The following EDIL3 variants were observed in gnomAD, a reference collection of about 807,000 sequenced individuals.
The protein encoded by EDIL3 is EGF-like repeat and discoidin I-like domain-containing protein 3.
Under a neutral mutation model 67.4 loss-of-function variants are expected in EDIL3, and 37 were observed. The observed-to-expected ratio is 0.55, with a 90% confidence interval of 0.42 to 0.72. EDIL3 has a LOEUF of 0.72. EDIL3 is among the 30% of genes least tolerant of loss of function. EDIL3 has a pLI of 0.00. For synonymous variants in EDIL3, 195 were observed against 196.3 expected, an observed-to-expected ratio of 0.99 and a Z score of 0.05; for missense variants, 527 against 586.3, an observed-to-expected ratio of 0.90 and a Z score of 1.04.
At chr5:84,174,595 G>T (rs139528685) in intron 4 of EDIL3, among the ~76,000 whole-genome samples, 1 of 152,082 alleles carries the variant, frequency 6.6e-6, no homozygotes, top group Non-Finnish European at 1.5e-5. Context: ...ATGCAGAGAG[G>T]GTCCAAGGTT....
chr5:84,177,392 T>C (rs1312075393), intron 4 of EDIL3, among the ~76,000 whole-genome samples: 1 of 152,148 alleles, frequency 6.6e-6, no homozygotes, highest in African/African-American at 2.4e-5. Flanking sequence ...AAGGAAAAAC[T>C]ACAGAGACAG....
intron 5 of EDIL3, among the ~76,000 whole-genome samples, chr5:84,129,518 C>A (rs1242673936): frequency 1.3e-5 from 2 of 151,848 alleles, no homozygotes; most frequent in African/African-American, 4.8e-5. Context: ...GGCAAACTGT[C>A]CTTCTGTCCC....
At chr5:84,114,188 A>C (rs1747624817) in intron 5 of EDIL3, among the ~76,000 whole-genome samples, 1 of 139,920 alleles carries the variant, frequency 7.1e-6, no homozygotes, top group African/African-American at 2.7e-5. Flanking sequence ...CGTGTCAGCT[A>C]AGCCCCCATG....
At chr5:84,056,791 A>AT (rs1001404834) in intron 9 of EDIL3, among the ~76,000 whole-genome samples, 1 of 152,140 alleles carries the variant, frequency 6.6e-6, no homozygotes, top group Non-Finnish European at 1.5e-5. Context: ...GAACTGATGC[A>AT]TTTTAGTTAA....
At chr5:84,362,863 G>A (rs1178179036) in intron 1 of EDIL3, among the ~76,000 whole-genome samples, 1 of 152,036 alleles carries the variant, frequency 6.6e-6, no homozygotes, top group Non-Finnish European at 1.5e-5. Context: ...TAAATAACTT[G>A]CTTAGAAATA....
chr5:84,346,508 T>C (rs934589865), intron 1 of EDIL3, among the ~76,000 whole-genome samples: 1 of 152,226 alleles, frequency 6.6e-6, no homozygotes, highest in African/African-American at 2.4e-5. Flanking sequence ...ATTTAATTTT[T>C]ATTATCATAA....
At chr5:84,243,607 G>A (rs1418197869) in intron 2 of EDIL3, among the ~76,000 whole-genome samples, 1 of 152,110 alleles carries the variant, frequency 6.6e-6, no homozygotes, top group Non-Finnish European at 1.5e-5. Context: ...GGGGTTATAT[G>A]AACACATTGT....
At position 84,358,756 on chromosome 5, in the gene EDIL3, C is replaced by T. The variant is rs372899394; in HGVS notation, c.67+25552G>A. Among the ~76,000 whole-genome samples the T allele has an allele frequency of 4.0e-5, 6 of 151,836 alleles. No individual in the cohort carries two copies. In the South Asian group the frequency reaches 1.2e-3, roughly 32 times the overall value. Reference sequence around the variant, plus strand: ...TCCCGAGTAGCTGGGACTACAGGCGCCTGCCACAAGGCCCGGCTAATTTTT... The same window carrying T: ...TCCCGAGTAGCTGGGACTACAGGCGTCTGCCACAAGGCCCGGCTAATTTTT... On this transcript the variant is annotated intron_variant, in intron 1 of 10. Transcript: ENST00000296591.
intron 4 of EDIL3, among the ~76,000 whole-genome samples, chr5:84,146,684 G>C (rs1308028713): frequency 6.6e-6 from 1 of 151,978 alleles, no homozygotes; most frequent in Non-Finnish European, 1.5e-5. Context: ...ACAACCACTT[G>C]CTTATGTAAA....
chr5:83,995,157 T>TACACACACACACAC (rs370763993), intron 9 of EDIL3, among the ~76,000 whole-genome samples: 459 of 149,162 alleles, frequency 3.1e-3, no homozygotes, highest in African/African-American at 0.011. Context: ...CACACACACA[T>TACACACACACACAC]ACACACACAC....
At chr5:84,345,460 G>T (rs1236901329) in intron 1 of EDIL3, among the ~76,000 whole-genome samples, 1 of 151,976 alleles carries the variant, frequency 6.6e-6, no homozygotes, top group African/African-American at 2.4e-5. Flanking sequence ...TTTAAGAATT[G>T]AATTAAAGCA....
intron 9 of EDIL3, among the ~76,000 whole-genome samples, chr5:84,056,697 T>C (rs1275385112): frequency 6.6e-6 from 1 of 151,988 alleles, no homozygotes; most frequent in Admixed American, 6.6e-5. Context: ...AAAGACATTT[T>C]TTAAAAAAAT....
chr5:84,141,946 TAC>T (rs1161570578), intron 4 of EDIL3, among the ~76,000 whole-genome samples: 5 of 132,386 alleles, frequency 3.8e-5, no homozygotes, highest in East Asian at 2.2e-4. Flanking sequence ...TATATATATA[TAC>T]ATAGATCTAT....
chr5:84,104,034 G>A (rs913191326), intron 6 of EDIL3, among the ~76,000 whole-genome samples: 2 of 152,100 alleles, frequency 1.3e-5, no homozygotes, highest in African/African-American at 2.4e-5. Context: ...ATACTATGCA[G>A]CTGCAAAAGA....
In EDIL3 at chr5:84,307,819, C is replaced by T. The variant is rs762630107; in HGVS notation, c.68-53607G>A. On this transcript the variant is annotated intron_variant, in intron 1 of 10. Coordinates refer to ENST00000296591, the MANE Select transcript of EDIL3 (RefSeq NM_005711.5). ...AGAAGAAAGTCTGGTCTCTAATGCACAGAGCAATGAAAAAATTGAGAAGAA... is the reference window on the plus strand; with the variant it reads ...AGAAGAAAGTCTGGTCTCTAATGCATAGAGCAATGAAAAAATTGAGAAGAA... 8.7e-4 allele frequency among the ~76,000 whole-genome samples: 132 copies of T among 151,900 alleles called. 2 individuals are homozygous for T. Among genetic ancestry groups the T allele is most frequent in the Non-Finnish European group, 1.7e-3 (114 of 67,952 alleles).
chr5:84,288,359 T>C (rs1745851586), intron 1 of EDIL3, among the ~76,000 whole-genome samples: 1 of 152,194 alleles, frequency 6.6e-6, no homozygotes, highest in Non-Finnish European at 1.5e-5. Context: ...TTCTTTGCTT[T>C]TATTTTTGAT....
intron 3 of EDIL3, among the ~76,000 whole-genome samples, chr5:84,193,335 C>T (rs925563835): frequency 3.3e-5 from 5 of 151,626 alleles, no homozygotes; most frequent in Admixed American, 6.6e-5. Flanking sequence ...AGAGAAGGGT[C>T]GAAGAAGACT....
rs1023692640 is a variant in EDIL3, at chr5:84,352,128, T to TA, written c.67+32179dup. Among the ~76,000 whole-genome samples the TA allele has an allele frequency of 7.2e-5, 11 of 151,974 alleles. No homozygotes were observed. The East Asian group carries it at 2.1e-3, about 29-fold the overall frequency. ...TCAGCATGACTTCTATTAAAAAAATTAAAAAAACAACAGATGTTGGTGAGG... is the reference window on the plus strand; with the variant it reads ...TCAGCATGACTTCTATTAAAAAAATTAAAAAAAACAACAGATGTTGGTGAGG... On this transcript the variant is annotated intron_variant, in intron 1 of 10. Coordinates refer to ENST00000296591, the MANE Select transcript of EDIL3 (RefSeq NM_005711.5).
Position 83,943,238 on chromosome 5 carries a change from A to C in EDIL3, c.*181T>G. 1.5e-6 allele frequency: 1 copy of C among 655,534 alleles called. No homozygotes were observed. Among genetic ancestry groups the C allele is most frequent in the Non-Finnish European group, 2.5e-6 (1 of 400,438 alleles). 40.6% of individuals were successfully genotyped at this position (655,534 alleles called of 1,614,324 possible). A position where few individuals can be genotyped will look rare whatever the true frequency, so the allele number is the denominator to read the frequency against. On this transcript the variant is annotated 3_prime_UTR_variant, in exon 11 of 11. Coordinates refer to ENST00000296591, the MANE Select transcript of EDIL3 (RefSeq NM_005711.5). ...TGACGGATAAAATAAAATCAAATTA[A>C]ATCATTGAAAAGGCAGGCTTAGACC... is the stretch of plus-strand genomic sequence containing the variant.
Sources: allele counts gnomAD v4.1 joint callset (sites outside exome capture counted in the v4.1 genomes callset), GRCh38; gene constraint gnomAD v4.1.1; transcripts MANE v1.5; gene names NCBI Gene and HGNC (gene_info 2026-07-23, HGNC 2026-07-21).